Variants in SPATA17 observed in about 807,000 individuals in gnomAD.
The protein encoded by SPATA17 is spermatogenesis-associated protein 17.
In SPATA17, 53 loss-of-function variants were observed where a neutral mutation model predicts 62.2. That is an observed-to-expected ratio of 0.85 (90% CI 0.68 to 1.07). The LOEUF is 1.07. Among genes scored for constraint, SPATA17 ranks in the 50% least tolerant of loss-of-function variants. The pLI is 0.00. For missense variants in SPATA17, 466 were observed against 425.5 expected (o/e 1.10, Z -0.84); for synonymous variants, 146 against 146.8 (o/e 0.99, Z 0.04).
In SPATA17 at chr1:217,651,196, A is replaced by G. The variant is rs930846799; in HGVS notation, c.240+18A>G. ...CTGTGCAGGTAAATATAAAATGTAC[A>G]TATGTTAGCATTTGAATTGTACAAT... On this transcript the variant is annotated intron_variant, in intron 3 of 10. Transcript: ENST00000366933. The G allele has an allele frequency of 5.2e-6, 8 of 1,550,652 alleles. No homozygotes were observed. Among genetic ancestry groups the G allele is most frequent in the South Asian group, 2.3e-5 (2 of 85,730 alleles).
Position 217,764,324 on chromosome 1 carries a change from A to G in SPATA17, c.520-10010A>G, listed in dbSNP as rs1290145361. Among the ~76,000 whole-genome samples the G allele has an allele frequency of 2.0e-5, 3 of 152,154 alleles. No individual in the cohort carries two copies. The East Asian group carries it at 5.8e-4, about 29-fold the overall frequency. On this transcript the variant is annotated intron_variant, in intron 6 of 10. Transcript: ENST00000366933. ...AGTTTTCTCTCTTCCAGAATGTCAG[A>G]TTGTTGGAGTCATACAGCCTTTTAA...
intron 6 of SPATA17, among the ~76,000 whole-genome samples, chr1:217,771,003 T>TTTTTTTTTTTTC (rs1673430590): frequency 7.7e-6 from 1 of 129,630 alleles, no homozygotes; most frequent in Admixed American, 7.9e-5. Context: ...TTTTTTTTTT[T>TTTTTTTTTTTTC]TTTTTGCCTT....
chr1:217,748,597 T>C (rs1331520941), intron 6 of SPATA17, among the ~76,000 whole-genome samples: 1 of 151,264 alleles, frequency 6.6e-6, no homozygotes, highest in Non-Finnish European at 1.5e-5. Flanking sequence ...ATAAAAAAAT[T>C]AGTTGGATGT....
intron 9 of SPATA17, among the ~76,000 whole-genome samples, chr1:217,854,662 A>G (rs78135652): frequency 0.044 from 6,647 of 152,154 alleles, 176 homozygotes; most frequent in Middle Eastern, 0.068. Flanking sequence ...CAGGTAATTG[A>G]ATGTACGGAG....
intron 7 of SPATA17, among the ~76,000 whole-genome samples, chr1:217,778,784 T>C (rs1257988822): frequency 6.6e-6 from 1 of 152,200 alleles, no homozygotes; most frequent in African/African-American, 2.4e-5. Flanking sequence ...TTTATAATGT[T>C]ATTACATTTG....
chr1:217,703,174 CTTTT>C (rs1203063860), intron 5 of SPATA17, among the ~76,000 whole-genome samples: 1 of 105,506 alleles, frequency 9.5e-6, no homozygotes, highest in African/African-American at 3.9e-5. Flanking sequence ...TGCGCTCGGC[CTTTT>C]TTTTTTTTTT....
chr1:217,669,030 C>G lies in SPATA17; in HGVS notation c.241-3C>G. 6.2e-7 allele frequency: 1 copy of G among 1,610,132 alleles called. No homozygotes were observed. The highest frequency in any genetic ancestry group is 8.5e-7 in the Non-Finnish European group (1 of 1,178,238). ...CATGCCATCTTTTTTTCTTGATTCA[C>G]AGGTAGCATATTATACTATGATGAT... On this transcript the variant is annotated splice_region_variant and splice_polypyrimidine_tract_variant and intron_variant, in intron 3 of 10. Transcript: ENST00000366933.
intron 9 of SPATA17, among the ~76,000 whole-genome samples, chr1:217,830,434 C>G (rs1276437879): frequency 6.6e-6 from 1 of 152,158 alleles, no homozygotes; most frequent in Admixed American, 6.6e-5. Context: ...TGAACATCTC[C>G]TCGACTCAAA....
chr1:217,795,736 A>G (rs1674120143), intron 8 of SPATA17, among the ~76,000 whole-genome samples: 1 of 152,052 alleles, frequency 6.6e-6, no homozygotes, highest in South Asian at 2.1e-4. Context: ...TCTCATCCCC[A>G]GACCATAGTT....
chr1:217,791,707 A>G (rs1438850573), intron 8 of SPATA17, among the ~76,000 whole-genome samples: 2 of 152,232 alleles, frequency 1.3e-5, no homozygotes, highest in East Asian at 3.8e-4. Context: ...GACAATTTTA[A>G]TATTTGGACT....
In SPATA17 at chr1:217,782,157, T is replaced by G; in HGVS notation, c.724-17T>G. 2.5e-6 allele frequency: 4 copies of G among 1,571,506 alleles called. No homozygotes were observed. The highest frequency in any genetic ancestry group is 3.4e-6 in the Non-Finnish European group (4 of 1,162,434). ...AAATCTTCCATATAAAATATGTTCCTCATCCTGTCTTGTCAGGGGCCCTTC... is the reference window on the plus strand; with the variant it reads ...AAATCTTCCATATAAAATATGTTCCGCATCCTGTCTTGTCAGGGGCCCTTC... On this transcript the variant is annotated splice_polypyrimidine_tract_variant and intron_variant, in intron 7 of 10. Transcript: ENST00000366933.
At chr1:217,702,753 A>G (rs2102920610) in intron 5 of SPATA17, among the ~76,000 whole-genome samples, 2 of 152,186 alleles carry the variant, frequency 1.3e-5, no homozygotes, top group Middle Eastern at 6.8e-3. Flanking sequence ...TGGGTCTGTG[A>G]GTAGTAACTT....
intron 3 of SPATA17, among the ~76,000 whole-genome samples, chr1:217,660,968 C>A (rs1442352940): frequency 2.6e-5 from 4 of 152,118 alleles, no homozygotes; most frequent in African/African-American, 4.8e-5. Flanking sequence ...TGTTAGGACA[C>A]CTCCATGTGG....
chr1:217,747,790 G>T (rs930910073), intron 6 of SPATA17, among the ~76,000 whole-genome samples: 8 of 152,088 alleles, frequency 5.3e-5, no homozygotes, highest in African/African-American at 1.9e-4. Flanking sequence ...TTATACGATA[G>T]ATTTTTGATG....
At chr1:217,773,812 G>T (rs1673518819) in intron 6 of SPATA17, among the ~76,000 whole-genome samples, 1 of 151,894 alleles carries the variant, frequency 6.6e-6, no homozygotes, top group Non-Finnish European at 1.5e-5. Flanking sequence ...ATACCAATTT[G>T]ATTATTAAAG....
In SPATA17 at chr1:217,648,889, G is replaced by C. The variant is rs913814175; in HGVS notation, c.76G>C (p.Asp26His). 2 of 1,604,652 alleles carry C rather than the reference G, an allele frequency of 1.2e-6. No individual in the cohort carries two copies. Among genetic ancestry groups the C allele is most frequent in the Admixed American group, 1.7e-5 (1 of 58,086 alleles). The change falls in exon 2 of 11, where the codon GAT (aspartate) becomes CAT (histidine). Residue 26 changes from aspartate (D) to histidine (H), a missense_variant. By Grantham distance (81) the Asp-to-His change is moderately conservative. Coordinates refer to ENST00000366933, the MANE Select transcript of SPATA17 (RefSeq NM_138796.4). ...TTAAACATTTTGTTTTAGTGTTGTA[G>C]ATCCATTTAGAAAAAAGGAGAATGA... Reference protein sequence around the residue: ...NQYYFRNSVVDPFRKKENDAA... With the variant: ...NQYYFRNSVVHPFRKKENDAA...
At chr1:217,661,742 A>G (rs990267526) in intron 3 of SPATA17, among the ~76,000 whole-genome samples, 1 of 152,116 alleles carries the variant, frequency 6.6e-6, no homozygotes, top group Non-Finnish European at 1.5e-5. Context: ...ATTATTGAGG[A>G]TGTGCTCTGA....
chr1:217,856,698 A>G (rs1675793248), intron 9 of SPATA17, among the ~76,000 whole-genome samples: 1 of 152,224 alleles, frequency 6.6e-6, no homozygotes, highest in Non-Finnish European at 1.5e-5. Context: ...CTAAGATTGA[A>G]TACTTGAGGA....
At chr1:217,721,742 A>G (rs1672132548) in intron 5 of SPATA17, among the ~76,000 whole-genome samples, 3 of 152,196 alleles carry the variant, frequency 2.0e-5, no homozygotes. Flanking sequence ...ACATGAGAGT[A>G]CTAAACTCCT....
Sources: gnomAD v4.1 joint callset for allele counts (sites outside exome capture counted in the v4.1 genomes callset) on GRCh38, gnomAD v4.1.1 for gene constraint, MANE v1.5 for transcripts, NCBI Gene and HGNC (gene_info 2026-07-23, HGNC 2026-07-21) for gene names.